The following GEMIN8 variants were observed in gnomAD, a reference collection of about 807,000 sequenced individuals.
GEMIN8 encodes the protein gem nuclear organelle associated protein 8.
For missense variants in GEMIN8, 185 were observed against 205.9 expected, an observed-to-expected ratio of 0.90 and a Z score of 0.62; for synonymous variants, 80 against 78.5, an observed-to-expected ratio of 1.02 and a Z score of -0.10.
chrX:14,002,978 C>T (rs568157791), downstream of GEMIN8, among the ~76,000 whole-genome samples: 1 of 111,816 alleles, frequency 8.9e-6, no homozygotes, highest in Admixed American at 9.5e-5. Context: ...GTGACTACAA[C>T]TTCCATCCAA....
At chrX:13,996,914 C>T in the GEMIN8 span, among the ~76,000 whole-genome samples, 2 of 103,925 alleles carry the variant, frequency 1.9e-5, no homozygotes, top group Non-Finnish European at 3.9e-5. Flanking sequence ...TTATAAAACG[C>T]TTGCATGCTG....
chrX:13,985,764 C>T, the GEMIN8 span, among the ~76,000 whole-genome samples: 51 of 111,456 alleles, frequency 4.6e-4, no homozygotes, highest in African/African-American at 1.5e-3. Flanking sequence ...CTCTTCATAA[C>T]TTGATCAACA....
the GEMIN8 span, among the ~76,000 whole-genome samples, chrX:13,999,153 T>C: frequency 9.0e-6 from 1 of 111,604 alleles, no homozygotes; most frequent in South Asian, 3.7e-4. Context: ...AGAGTTCCTA[T>C]ACACCCTTAC....
intron 4 of GEMIN8, among the ~76,000 whole-genome samples, chrX:14,011,343 G>A (rs193140246): frequency 1.8e-5 from 2 of 110,667 alleles, no homozygotes; most frequent in East Asian, 2.8e-4. Flanking sequence ...CCTTGAGCAG[G>A]CAGTGGGTGG....
the GEMIN8 span, among the ~76,000 whole-genome samples, chrX:13,991,645 T>C: frequency 1.0e-3 from 112 of 111,902 alleles, no homozygotes; most frequent in African/African-American, 3.6e-3. Flanking sequence ...AATGAGTCAA[T>C]TGAGGCTGTC....
downstream of GEMIN8, among the ~76,000 whole-genome samples, chrX:14,006,318 C>T (rs1055805837): frequency 4.5e-5 from 5 of 111,020 alleles, no homozygotes; most frequent in Admixed American, 3.8e-4. Flanking sequence ...TGTGAGCCAC[C>T]GCTCCCGGCC....
the GEMIN8 span, among the ~76,000 whole-genome samples, chrX:13,996,590 G>A: frequency 9.0e-6 from 1 of 111,494 alleles, no homozygotes; most frequent in African/African-American, 3.3e-5. Flanking sequence ...GTTGGGTGAG[G>A]GTACAGCCAA....
chrX:13,985,020 G>A, the GEMIN8 span, among the ~76,000 whole-genome samples: 1 of 111,295 alleles, frequency 9.0e-6, no homozygotes, highest in Non-Finnish European at 1.9e-5. Flanking sequence ...GGTGGGGCAG[G>A]GACAGGGTCT....
chrX:14,013,956 T>C (rs1569355921), intron 4 of GEMIN8: 1 of 711,874 alleles, frequency 1.4e-6, no homozygotes, highest in African/African-American at 2.3e-5. Context: ...ATAATCCTGG[T>C]ATTTTTCACA....
intron 2 of GEMIN8, among the ~76,000 whole-genome samples, chrX:14,023,679 G>C (rs1365730996): frequency 8.9e-6 from 1 of 111,836 alleles, no homozygotes; most frequent in East Asian, 2.8e-4. Context: ...GCCCGGCCCA[G>C]GTTTTATATT....
At position 14,006,949 on chromosome X, in the gene GEMIN8, C is replaced by T. The variant is rs1031702151; in HGVS notation, c.*1964G>A. ...TAGGGGAGGGTATAAGAGTCCTTTG[C>T]GAAGAGAAACATTTCACTTTCAAAT... is the stretch of plus-strand genomic sequence containing the variant. On this transcript the variant is annotated 3_prime_UTR_variant, in exon 5 of 5. Coordinates refer to ENST00000680255, the MANE Select transcript of GEMIN8 (RefSeq NM_001042479.2). Among the ~76,000 whole-genome samples the T allele has an allele frequency of 9.0e-6, 1 of 111,730 alleles. No homozygotes were observed. The highest frequency in any genetic ancestry group is 9.5e-5 in the Admixed American group (1 of 10,497).
intron 4 of GEMIN8, among the ~76,000 whole-genome samples, chrX:14,017,516 C>T (rs147777775): frequency 0.023 from 2,546 of 111,875 alleles, 30 homozygotes; most frequent in Admixed American, 0.033. Context: ...GCTGCCATAA[C>T]AAAGTACCAT....
chrX:14,025,348 A>AC (rs780496432), intron 2 of GEMIN8, among the ~76,000 whole-genome samples: 1,627 of 110,150 alleles, frequency 0.015, 18 homozygotes, highest in Admixed American at 0.061. Flanking sequence ...AAAAAAAAAA[A>AC]ACACACACCA....
chrX:14,026,122 C>T lies in GEMIN8; in HGVS notation c.-34+18G>A, dbSNP rs202110000. 96 of 743,804 alleles carry T rather than the reference C, an allele frequency of 1.3e-4. No individual in the cohort carries two copies. Among genetic ancestry groups the T allele is most frequent in the Admixed American group, 3.5e-4 (4 of 11,435 alleles). The allele number at this position is 743,804 out of a possible 1,213,427, so 61.3% of individuals were successfully genotyped here. A position where few individuals can be genotyped will look rare whatever the true frequency, so the allele number is the denominator to read the frequency against. Reference sequence around the variant, plus strand: ...CTTTGGTCTTTAATGGTCTTTAATTCGATCTTTCATTCCTCACCTCCCTGG... The same window carrying T: ...CTTTGGTCTTTAATGGTCTTTAATTTGATCTTTCATTCCTCACCTCCCTGG... On this transcript the variant is annotated intron_variant, in intron 2 of 4. Coordinates refer to ENST00000680255, the MANE Select transcript of GEMIN8 (RefSeq NM_001042479.2).
chrX:13,987,528 T>C, the GEMIN8 span, among the ~76,000 whole-genome samples: 1 of 111,551 alleles, frequency 9.0e-6, no homozygotes, highest in Non-Finnish European at 1.9e-5. Flanking sequence ...CATCCCATTG[T>C]CAAGGGCCTA....
intron 4 of GEMIN8, among the ~76,000 whole-genome samples, chrX:14,016,075 G>A (rs891612951): frequency 9.0e-6 from 1 of 111,604 alleles, no homozygotes; most frequent in Non-Finnish European, 1.9e-5. Flanking sequence ...TTTTCTTACT[G>A]GTGCAAGATC....
chrX:14,027,117 A>C (rs1163722695), intron 1 of GEMIN8: 1 of 113,107 alleles, frequency 8.8e-6, no homozygotes, highest in Non-Finnish European at 1.9e-5. Context: ...CTCTCTGTAC[A>C]TGCAATAATA....
the GEMIN8 span, among the ~76,000 whole-genome samples, chrX:13,984,838 C>T: frequency 9.0e-6 from 1 of 111,731 alleles, no homozygotes; most frequent in African/African-American, 3.3e-5. Context: ...CAGTATAGAA[C>T]ATGCACCTCA....
In GEMIN8 at chrX:14,020,091, A is replaced by G. The variant is rs1924199467; in HGVS notation, c.459T>C (p.His153=). 2.5e-6 allele frequency: 3 copies of G among 1,185,923 alleles called. No individual in the cohort carries two copies. The highest frequency in any genetic ancestry group is 2.3e-6 in the Non-Finnish European group (2 of 874,706). The change falls in exon 4 of 5, where the codon CAT becomes CAC. Residue 153 remains histidine, a synonymous_variant. Transcript: ENST00000680255. ...LRQYFAETER[H]REERRRQQQL... is the part of the protein sequence containing the mutation. Reference sequence around the variant, plus strand: ...GCCTGAACTTACGTCGTTCTTCTCTATGCCTCTCGGTCTCTGCAAAGTACT... The same window carrying G: ...GCCTGAACTTACGTCGTTCTTCTCTGTGCCTCTCGGTCTCTGCAAAGTACT...
Sources: gnomAD v4.1 joint callset for allele counts (sites outside exome capture counted in the v4.1 genomes callset) on GRCh38, gnomAD v4.1.1 for gene constraint, MANE v1.5 for transcripts, NCBI Gene and HGNC (gene_info 2026-07-23, HGNC 2026-07-21) for gene names.